Variants in DPYD observed in about 807,000 individuals in gnomAD.
DPYD encodes dihydropyrimidine dehydrogenase [NADP(+)].
In DPYD, 109 loss-of-function variants were observed where a neutral mutation model predicts 116.2. That is an observed-to-expected ratio of 0.94 (90% CI 0.80 to 1.10). The LOEUF (loss-of-function observed/expected upper bound fraction) is 1.10, where lower values mean the gene tolerates loss of function less well. Ranked by LOEUF, DPYD falls within the 50% of genes least tolerant of loss-of-function variation. The pLI, the probability that DPYD is intolerant of heterozygous loss-of-function variation, is 0.00. For missense variants in DPYD, 1,302 were observed against 1,254.5 expected (o/e 1.04, Z -0.57); for synonymous variants, 440 against 432.0 (o/e 1.02, Z -0.23).
At chr1:97,573,616 T>G (rs765508311) in intron 11 of DPYD, 144 bp downstream of exon 11, 73 of 949,350 alleles carry the variant, frequency 7.7e-5, no homozygotes, top group Non-Finnish European at 1.1e-4. Context: ...TTTCTAAGCC[T>G]TTTGAATCAA....
chr1:97,669,999 T>A (rs1219301862), intron 8 of DPYD, among the ~76,000 whole-genome samples: 1 of 152,134 alleles, frequency 6.6e-6, no homozygotes, highest in Non-Finnish European at 1.5e-5. Context: ...TATCCAACAG[T>A]ACATCTCCTA....
At chr1:97,458,451 A>C (rs1368190478) in intron 13 of DPYD, among the ~76,000 whole-genome samples, 3 of 152,174 alleles carry the variant, frequency 2.0e-5, no homozygotes, top group Non-Finnish European at 2.9e-5. Context: ...CAAAATAAGG[A>C]AATTTCTGAG....
chr1:97,196,063 C>A (rs981771171), intron 19 of DPYD, among the ~76,000 whole-genome samples: 1 of 151,620 alleles, frequency 6.6e-6, no homozygotes, highest in African/African-American at 2.4e-5. Context: ...GAGGAAGAGG[C>A]GAGCTGGGGT....
chr1:97,656,621 C>CT (rs907106484), intron 8 of DPYD, among the ~76,000 whole-genome samples: 6 of 152,012 alleles, frequency 3.9e-5, no homozygotes, highest in Non-Finnish European at 7.4e-5. Flanking sequence ...CCTTTCTATT[C>CT]TTTTTTTCCT....
intron 14 of DPYD, among the ~76,000 whole-genome samples, chr1:97,404,646 C>T (rs533002975): frequency 6.6e-6 from 1 of 151,996 alleles, no homozygotes; most frequent in Admixed American, 6.6e-5. Context: ...GATACATTTT[C>T]TTCATCCATT....
At chr1:97,716,666 T>A (rs1429392412) in intron 5 of DPYD, among the ~76,000 whole-genome samples, 1 of 152,036 alleles carries the variant, frequency 6.6e-6, no homozygotes, top group Non-Finnish European at 1.5e-5. Flanking sequence ...ATAAACTTTT[T>A]AAAAAAAGAT....
intron 3 of DPYD, among the ~76,000 whole-genome samples, chr1:97,817,821 C>G (rs1029112361): frequency 3.3e-5 from 5 of 152,018 alleles, no homozygotes; most frequent in Non-Finnish European, 7.4e-5. Context: ...ATTATCATAA[C>G]ATTAAAATCA....
intron 12 of DPYD, chr1:97,545,883 TAAG>T (rs1357786345): frequency 1.9e-6 from 2 of 1,066,648 alleles, no homozygotes; most frequent in Non-Finnish European, 2.9e-6. Context: ...TTTCTAATCA[TAAG>T]AAGTATAAAA....
intron 5 of DPYD, among the ~76,000 whole-genome samples, chr1:97,711,124 T>G (rs1662261529): frequency 6.6e-6 from 1 of 151,846 alleles, no homozygotes; most frequent in African/African-American, 2.4e-5. Flanking sequence ...ATCTTCGACT[T>G]TAGGTATGAT....
intron 19 of DPYD, among the ~76,000 whole-genome samples, chr1:97,202,339 A>C (rs1659265682): frequency 6.6e-6 from 1 of 152,136 alleles, no homozygotes; most frequent in African/African-American, 2.4e-5. Flanking sequence ...ATTCTCTGAT[A>C]AATTTTAAGT....
intron 16 of DPYD, among the ~76,000 whole-genome samples, chr1:97,346,753 T>A (rs1669868724): frequency 6.6e-6 from 1 of 151,906 alleles, no homozygotes; most frequent in African/African-American, 2.4e-5. Flanking sequence ...CAAGCTTCCA[T>A]ATCTGTCTGG....
intron 3 of DPYD, among the ~76,000 whole-genome samples, chr1:97,820,419 T>C (rs1469736274): frequency 6.6e-6 from 1 of 152,184 alleles, no homozygotes; most frequent in Non-Finnish European, 1.5e-5. Flanking sequence ...CCTCTAAAAG[T>C]CCTTGAGTTG....
chr1:97,358,532 T>C (rs754604890), intron 16 of DPYD, among the ~76,000 whole-genome samples: 6 of 152,148 alleles, frequency 3.9e-5, no homozygotes, highest in Non-Finnish European at 8.8e-5. Flanking sequence ...GTAGCCTAAC[T>C]GGGAGACACC....
intron 18 of DPYD, among the ~76,000 whole-genome samples, chr1:97,294,802 TGAAAC>T (rs1257042093): frequency 6.6e-6 from 1 of 152,200 alleles, no homozygotes; most frequent in Non-Finnish European, 1.5e-5. Flanking sequence ...TTTTGTTCCT[TGAAAC>T]GAATCCAAGA....
intron 8 of DPYD, among the ~76,000 whole-genome samples, chr1:97,600,993 A>G (rs915500629): frequency 3.3e-5 from 5 of 152,124 alleles, no homozygotes; most frequent in African/African-American, 1.2e-4. Flanking sequence ...CAAAACAAGG[A>G]AAGTATTAAC....
intron 1 of DPYD, among the ~76,000 whole-genome samples, chr1:97,894,573 A>C (rs1350791875): frequency 1.3e-5 from 2 of 151,758 alleles, no homozygotes; most frequent in Non-Finnish European, 2.9e-5. Flanking sequence ...GTATTGCTTA[A>C]TTTAAGAAAA....
chr1:97,287,150 G>C (rs1161870046), intron 18 of DPYD, among the ~76,000 whole-genome samples: 3 of 152,292 alleles, frequency 2.0e-5, no homozygotes, highest in East Asian at 3.9e-4. Flanking sequence ...TAACAGACAG[G>C]ACCCTCAGCT....
chr1:97,561,592 T>C lies in DPYD; in HGVS notation c.1340-11848A>G, dbSNP rs1570962846. Among the ~76,000 whole-genome samples the C allele has an allele frequency of 2.0e-5, 3 of 152,194 alleles. No individual in the cohort carries two copies. The East Asian group carries it at 5.8e-4, about 29-fold the overall frequency. ...GAAGCATATTTAACTACATGGTCCC[T>C]ATATGTGTGTAGCAAACATATTTAA... On this transcript the variant is annotated intron_variant, in intron 11 of 22. Coordinates refer to ENST00000370192, the MANE Select transcript of DPYD (RefSeq NM_000110.4).
At chr1:97,643,940 G>C (rs186239600) in intron 8 of DPYD, among the ~76,000 whole-genome samples, 9 of 152,062 alleles carry the variant, frequency 5.9e-5, no homozygotes, top group African/African-American at 1.7e-4. Flanking sequence ...TCAGGGGTTG[G>C]GGGGCTAGGG....
Sources: allele counts gnomAD v4.1 joint callset (sites outside exome capture counted in the v4.1 genomes callset), GRCh38; gene constraint gnomAD v4.1.1; transcripts MANE v1.5; gene names NCBI Gene and HGNC (gene_info 2026-07-23, HGNC 2026-07-21).